The following CTBP1 variants were observed in gnomAD, a reference collection of about 807,000 sequenced individuals.
CTBP1 encodes C-terminal-binding protein 1.
Under a neutral mutation model 42.1 loss-of-function variants are expected in CTBP1, and 11 were observed. The ratio of observed to expected loss-of-function variants is 0.26; its 90% CI spans 0.16 to 0.43. The LOEUF (loss-of-function observed/expected upper bound fraction) is 0.43, where lower values mean the gene tolerates loss of function less well. Ranked by LOEUF, CTBP1 falls within the 20% of genes least tolerant of loss-of-function variation. The pLI is 1.00. For missense variants in CTBP1, 399 were observed against 624.3 expected, an observed-to-expected ratio of 0.64 and a Z score of 3.85; for synonymous variants, 324 against 277.1, an observed-to-expected ratio of 1.17 and a Z score of -1.68.
intron 1 of CTBP1, among the ~76,000 whole-genome samples, chr4:1,246,969 G>A (rs920721387): frequency 6.6e-6 from 1 of 152,234 alleles, no homozygotes; most frequent in Non-Finnish European, 1.5e-5. Flanking sequence ...AATCCCACCA[G>A]GACATGGCAG....
At chr4:1,214,176 T>TGGCTCCATCCTCACCCCGC in intron 7 of CTBP1, 167 bp downstream of exon 7, 1 of 867,796 alleles carries the variant, frequency 1.2e-6, no homozygotes, top group Non-Finnish European at 1.6e-6. Context: ...CTAGAGCCCG[T>TGGCTCCATCCTCACCCCGC]GGCTCCATCC....
At chr4:1,247,776 G>GGA (rs1401830167) in intron 1 of CTBP1, among the ~76,000 whole-genome samples, 1 of 151,592 alleles carries the variant, frequency 6.6e-6, no homozygotes, top group Admixed American at 6.6e-5. Flanking sequence ...GAGGGGGGGG[G>GGA]GGCTCGGGCT....
chr4:1,243,661 G>A (rs1408646005), intron 1 of CTBP1: 1 of 985,332 alleles, frequency 1.0e-6, no homozygotes, highest in East Asian at 1.1e-4. Context: ...CAATGCCAGA[G>A]GCCCTGCGCA....
chr4:1,242,395 T>G, intron 1 of CTBP1: 1 of 985,290 alleles, frequency 1.0e-6, no homozygotes, highest in Non-Finnish European at 1.2e-6. Context: ...CCCAGCAGCA[T>G]GGCAGGCGTG....
At chr4:1,237,065 G>C in intron 3 of CTBP1, 1 of 633,108 alleles carries the variant, frequency 1.6e-6, no homozygotes, top group African/African-American at 2.1e-5. Context: ...CCGAGTGTGG[G>C]GCTCAGGGAA....
intron 3 of CTBP1, among the ~76,000 whole-genome samples, chr4:1,231,392 G>A: frequency 6.6e-6 from 1 of 152,224 alleles, no homozygotes; most frequent in South Asian, 2.1e-4. Context: ...ACCCACTGAT[G>A]TGTCCCCTCC....
intron 2 of CTBP1, among the ~76,000 whole-genome samples, chr4:1,240,376 A>C (rs867130746): frequency 1.5e-3 from 28 of 18,274 alleles, no homozygotes; most frequent in Admixed American, 2.9e-3. Flanking sequence ...GTGAGTGGGA[A>C]CCGGGTCCCT....
At chr4:1,242,085 C>T (rs548764378) in intron 1 of CTBP1, 27 of 985,392 alleles carry the variant, frequency 2.7e-5, no homozygotes, top group African/African-American at 8.7e-5. Flanking sequence ...TGCATCCTGG[C>T]GACGCTCCCT....
chr4:1,248,880 G>T, intron 1 of CTBP1, 36 bp downstream of exon 1: 1 of 333,060 alleles, frequency 3.0e-6, no homozygotes, highest in Non-Finnish European at 4.1e-6. Context: ...CCCCGCCCCC[G>T]CCCGCGGCCG....
chr4:1,228,512 G>A (rs547111440), intron 3 of CTBP1, among the ~76,000 whole-genome samples, 169 bp from the exon 4 acceptor site: 3 of 152,290 alleles, frequency 2.0e-5, no homozygotes, highest in African/African-American at 4.8e-5. Flanking sequence ...CCCGCCACGC[G>A]CGGCCCCTCA....
chr4:1,228,433 AGCCTGTG>A, intron 3 of CTBP1, 90 bp from the exon 4 acceptor site: 1 of 1,491,866 alleles, frequency 6.7e-7, no homozygotes, highest in South Asian at 1.3e-5. Context: ...CTGGGAAATT[AGCCTGTG>A]GCCCTCAGGC....
chr4:1,213,349 G>A (rs1238970520), intron 8 of CTBP1, 129 bp downstream of exon 8: 3 of 1,424,992 alleles, frequency 2.1e-6, no homozygotes, highest in Admixed American at 2.0e-5. Context: ...TGCTGGGGGT[G>A]CAGTGAGAGC....
intron 1 of CTBP1, chr4:1,244,795 G>A (rs1434738891): frequency 1.0e-6 from 1 of 985,298 alleles, no homozygotes; most frequent in African/African-American, 1.7e-5. Flanking sequence ...AGCCATCTGG[G>A]CATTGGTGAG....
At chr4:1,215,539 G>A (rs776985040) in intron 6 of CTBP1, 1 of 248,662 alleles carries the variant, frequency 4.0e-6, no homozygotes, top group South Asian at 4.6e-5. Context: ...AGCACAGCCC[G>A]TTCCAGCTGC....
At chr4:1,243,462 C>T (rs773728371) in intron 1 of CTBP1, 5 of 985,290 alleles carry the variant, frequency 5.1e-6, no homozygotes, top group Non-Finnish European at 6.0e-6. Flanking sequence ...TGCTCCAGTT[C>T]AGGACAGACA....
At chr4:1,249,797 A>G, upstream of CTBP1, 1 of 246,564 alleles carries the variant, frequency 4.1e-6, no homozygotes, top group Non-Finnish European at 8.6e-6. Flanking sequence ...CCCCGACCCC[A>G]TTTCTCTTTT....
At chr4:1,225,691 A>G (rs1273818517) in intron 4 of CTBP1, 125 bp from the exon 5 acceptor site, 2 of 1,050,742 alleles carry the variant, frequency 1.9e-6, no homozygotes, top group African/African-American at 1.6e-5. Flanking sequence ...CGTGTCCCCA[A>G]GGCCACCCCG....
chr4:1,245,163 G>C (rs917210418), intron 1 of CTBP1: 2 of 985,344 alleles, frequency 2.0e-6, no homozygotes, highest in Non-Finnish European at 2.4e-6. Context: ...CGGCACCTTG[G>C]ACGGCAGCAT....
At chr4:1,226,728 C>G (rs1293061517) in intron 4 of CTBP1, among the ~76,000 whole-genome samples, 1 of 151,690 alleles carries the variant, frequency 6.6e-6, no homozygotes, top group Non-Finnish European at 1.5e-5. Context: ...CACCACACAC[C>G]CAGGCCTGCA....
Sources: gnomAD v4.1 joint callset for allele counts (sites outside exome capture counted in the v4.1 genomes callset) on GRCh38, gnomAD v4.1.1 for gene constraint, MANE v1.5 for transcripts, NCBI Gene and HGNC (gene_info 2026-07-23, HGNC 2026-07-21) for gene names.